Variants in EEIG1 observed in about 807,000 individuals in gnomAD.
The protein encoded by EEIG1 is early estrogen-induced gene 1 protein.
At chr9:127,946,227 G>A in the EEIG1 span, among the ~76,000 whole-genome samples, 11 of 152,240 alleles carry the variant, frequency 7.2e-5, no homozygotes, top group African/African-American at 2.7e-4. Flanking sequence ...CCCGAGGCTG[G>A]AAGGGGCCTG....
At chr9:127,952,131 G>A in the EEIG1 span, among the ~76,000 whole-genome samples, 1 of 152,232 alleles carries the variant, frequency 6.6e-6, no homozygotes, top group African/African-American at 2.4e-5. Context: ...CTGCACAGCT[G>A]TCCTCACCCG....
chr9:127,944,441 G>A, the EEIG1 span: 1 of 618,654 alleles, frequency 1.6e-6, no homozygotes, highest in South Asian at 1.9e-5. Context: ...GTGAGGTGGT[G>A]GTGTCCACAC....
chr9:127,963,257 A>AC, the EEIG1 span, among the ~76,000 whole-genome samples: 6 of 152,248 alleles, frequency 3.9e-5, no homozygotes, highest in Admixed American at 3.3e-4. Context: ...ACCCTCAGCC[A>AC]CCTGGTTCAA....
the EEIG1 span, among the ~76,000 whole-genome samples, chr9:127,976,452 G>A: frequency 1.3e-5 from 2 of 152,336 alleles, no homozygotes; most frequent in South Asian, 2.1e-4. This position sits in a 1 kb window ranked among gnomAD's most constrained non-coding sequence, Gnocchi z 4.1. Context: ...GTTAATTTCC[G>A]AATTGCCATT....
the EEIG1 span, chr9:127,947,996 G>T: frequency 6.7e-7 from 1 of 1,503,504 alleles, no homozygotes. Context: ...CGTCTCCCTG[G>T]GGACCTGGGC....
the EEIG1 span, chr9:127,941,107 G>C: frequency 6.6e-6 from 1 of 152,198 alleles, no homozygotes; most frequent in Non-Finnish European, 1.5e-5. Flanking sequence ...CCCACATGGG[G>C]ACAAGGCCAG....
At chr9:127,958,760 A>G in the EEIG1 span, among the ~76,000 whole-genome samples, 4 of 152,200 alleles carry the variant, frequency 2.6e-5, no homozygotes, top group African/African-American at 9.6e-5. Flanking sequence ...CAAAATAAGA[A>G]AAAATACTTG....
the EEIG1 span, among the ~76,000 whole-genome samples, chr9:127,965,033 C>T: frequency 2.2e-5 from 3 of 138,286 alleles, no homozygotes; most frequent in Non-Finnish European, 4.6e-5. Context: ...CTCTTGAACC[C>T]GGGAGGCGGA....
At chr9:127,979,614 G>A in the EEIG1 span, among the ~76,000 whole-genome samples, 118,818 of 152,124 alleles carry the variant, frequency 0.78, 47,683 homozygotes, top group Non-Finnish European at 0.88. Flanking sequence ...TGGCTGGCCT[G>A]GACTCTTGAA....
chr9:127,961,369 G>C, the EEIG1 span, among the ~76,000 whole-genome samples: 1 of 152,176 alleles, frequency 6.6e-6, no homozygotes, highest in Non-Finnish European at 1.5e-5. Context: ...GGTAAGGGAT[G>C]CTTGTGATGG....
At chr9:127,944,938 G>A in the EEIG1 span, 2 of 1,596,576 alleles carry the variant, frequency 1.3e-6, no homozygotes, top group Admixed American at 1.7e-5. Flanking sequence ...AACGGTCAGG[G>A]CAGTAACAGG....
At chr9:127,966,590 C>T in the EEIG1 span, among the ~76,000 whole-genome samples, 5 of 152,234 alleles carry the variant, frequency 3.3e-5, no homozygotes, top group Non-Finnish European at 5.9e-5. Context: ...GCCCTGTTAA[C>T]GCCATTCTCC....
the EEIG1 span, chr9:127,945,764 G>A: frequency 3.5e-4 from 539 of 1,542,344 alleles, 1 homozygote; most frequent in Non-Finnish European, 3.7e-4. The surrounding 1 kb of genome is among the most constrained non-coding windows in gnomAD (Gnocchi z 6.5). Context: ...CTGGAAGGCA[G>A]GAAGGGGCAG....
At chr9:127,949,623 C>T in the EEIG1 span, among the ~76,000 whole-genome samples, 5 of 152,220 alleles carry the variant, frequency 3.3e-5, no homozygotes, top group Non-Finnish European at 7.3e-5. Context: ...CCCTTTCTGG[C>T]ATCTCCGGTT....
At chr9:127,973,254 G>A in the EEIG1 span, among the ~76,000 whole-genome samples, 3 of 152,256 alleles carry the variant, frequency 2.0e-5, no homozygotes, top group African/African-American at 7.2e-5. The surrounding 1 kb of genome is among the most constrained non-coding windows in gnomAD (Gnocchi z 4.2). Context: ...TAGCAGACAT[G>A]CCAGCAGCCA....
the EEIG1 span, among the ~76,000 whole-genome samples, chr9:127,965,861 G>A: frequency 1.3e-5 from 2 of 152,248 alleles, no homozygotes; most frequent in Admixed American, 1.3e-4. Flanking sequence ...AGCAGCGTCT[G>A]GCTCCTGCCA....
the EEIG1 span, chr9:127,943,649 G>A: frequency 6.4e-4 from 143 of 224,680 alleles, 1 homozygote; most frequent in South Asian, 6.2e-4. Context: ...GGGGACTCTC[G>A]GGGCTCAGCA....
chr9:127,964,985 T>C, the EEIG1 span, among the ~76,000 whole-genome samples: 2 of 151,836 alleles, frequency 1.3e-5, no homozygotes, highest in African/African-American at 2.4e-5. Flanking sequence ...GGCGGGCACC[T>C]GTAATCCCAG....
chr9:127,980,746 T>C, the EEIG1 span, among the ~76,000 whole-genome samples: 103 of 149,252 alleles, frequency 6.9e-4, no homozygotes, highest in African/African-American at 1.9e-3. Flanking sequence ...TCGGGGTCGC[T>C]GCGGGCCGGG....
Sources: allele counts gnomAD v4.1 joint callset (sites outside exome capture counted in the v4.1 genomes callset), GRCh38; gene constraint gnomAD v4.1.1; non-coding constraint Gnocchi (gnomAD v3.1); transcripts MANE v1.5; gene names NCBI Gene and HGNC (gene_info 2026-07-23, HGNC 2026-07-21).